The following ZNF618 variants were observed in gnomAD, a reference collection of about 807,000 sequenced individuals.
ZNF618 encodes the protein neural precursor cell expressed, developmentally down-regulated 10.
Under a neutral mutation model 103.0 loss-of-function variants are expected in ZNF618, and 34 were observed. The ratio of observed to expected loss-of-function variants is 0.33; its 90% CI spans 0.25 to 0.44. The LOEUF (loss-of-function observed/expected upper bound fraction) is 0.44. Ranked by LOEUF, ZNF618 falls within the 20% of genes least tolerant of loss-of-function variation. ZNF618 has a pLI of 1.00. For missense variants in ZNF618, 1,059 were observed against 1,295.4 expected (o/e 0.82, Z 2.80); for synonymous variants, 551 against 542.2 (o/e 1.02, Z -0.23).
chr9:113,927,408 C>T (rs185008067), intron 1 of ZNF618, among the ~76,000 whole-genome samples: 122 of 152,284 alleles, frequency 8.0e-4, no homozygotes, highest in Admixed American at 3.3e-3. Flanking sequence ...AGTGACCAAT[C>T]CTTGTAGTTC....
intron 2 of ZNF618, among the ~76,000 whole-genome samples, chr9:113,986,818 A>G (rs903726333): frequency 6.6e-6 from 1 of 151,952 alleles, no homozygotes; most frequent in African/African-American, 2.4e-5. Context: ...CAGTTTCCCA[A>G]CCTTTCTCCA....
At chr9:113,916,807 C>G (rs923515104) in intron 1 of ZNF618, among the ~76,000 whole-genome samples, 3 of 152,254 alleles carry the variant, frequency 2.0e-5, no homozygotes, top group African/African-American at 7.2e-5. Flanking sequence ...AAACATTGCT[C>G]TGTCCCAATT....
At chr9:114,041,568 C>T (rs1588441600) in intron 13 of ZNF618, among the ~76,000 whole-genome samples, 1 of 152,174 alleles carries the variant, frequency 6.6e-6, no homozygotes. Flanking sequence ...TTTCCCAGCA[C>T]CATTTATTAA....
chr9:113,984,573 T>G (rs1049697718), intron 2 of ZNF618, among the ~76,000 whole-genome samples: 7 of 152,180 alleles, frequency 4.6e-5, no homozygotes, highest in Non-Finnish European at 1.0e-4. Context: ...TGGTGAGGAC[T>G]TGAGAGCAGG....
intron 10 of ZNF618, among the ~76,000 whole-genome samples, chr9:114,018,139 AT>A (rs1400076000): frequency 6.6e-6 from 1 of 152,184 alleles, no homozygotes; most frequent in African/African-American, 2.4e-5. Flanking sequence ...CACTAGAAGA[AT>A]CCATTCCACT....
In ZNF618 at chr9:114,054,914, A is replaced by C; in HGVS notation, c.*4747A>C. 1 of 151,588 alleles carries C rather than the reference A, an allele frequency of 6.6e-6. No homozygotes were observed. Among genetic ancestry groups the C allele is most frequent in the Non-Finnish European group, 1.5e-5 (1 of 67,914 alleles). 9.4% of individuals were successfully genotyped at this position (151,588 alleles called of 1,614,324 possible). A position where few individuals can be genotyped will look rare whatever the true frequency, so the allele number is the denominator to read the frequency against. ...GAAGATTGTCAGGTCACTGTTTGAC[A>C]TATTCATGCCCCGTCCCTTCCCCCC... On this transcript the variant is annotated 3_prime_UTR_variant, in exon 15 of 15. Coordinates refer to ENST00000374126, the MANE Select transcript of ZNF618 (RefSeq NM_001318042.2).
chr9:113,914,651 C>T (rs1831899412), intron 1 of ZNF618, among the ~76,000 whole-genome samples: 1 of 152,144 alleles, frequency 6.6e-6, no homozygotes, highest in South Asian at 2.1e-4. Flanking sequence ...TTTGAATGCT[C>T]CCATTGGAAT....
intron 11 of ZNF618, among the ~76,000 whole-genome samples, chr9:114,029,301 T>G (rs1169066933): frequency 6.6e-6 from 1 of 152,230 alleles, no homozygotes; most frequent in African/African-American, 2.4e-5. Context: ...TTTAAAAAAT[T>G]TTTTAGTTAA....
chr9:113,972,929 T>C (rs1838116539), intron 2 of ZNF618, among the ~76,000 whole-genome samples: 1 of 151,948 alleles, frequency 6.6e-6, no homozygotes, highest in Non-Finnish European at 1.5e-5. Flanking sequence ...ATTAGCCAGG[T>C]ATGGTGGCAC....
rs1314878450 is a variant in ZNF618, at chr9:114,028,732, G to A, written c.845-1G>A. On this transcript the variant is annotated splice_acceptor_variant, in intron 10 of 14. Coordinates refer to ENST00000374126, the MANE Select transcript of ZNF618 (RefSeq NM_001318042.2). LOFTEE classifies it high-confidence loss of function. ...GGGGACTGAGAGCGTGACCCTCTCA[G>A]GTACTGCCCCCGGGTGGGAGCCACC... is the stretch of plus-strand genomic sequence containing the variant. The A allele has an allele frequency of 6.5e-7, 1 of 1,549,906 alleles. No homozygotes were observed. The highest frequency in any genetic ancestry group is 1.2e-5 in the South Asian group (1 of 84,040).
At chr9:113,985,840 C>T (rs1236212005) in intron 2 of ZNF618, among the ~76,000 whole-genome samples, 1 of 152,186 alleles carries the variant, frequency 6.6e-6, no homozygotes, top group East Asian at 1.9e-4. Context: ...GGAGCTAATA[C>T]CAAGATTTCG....
chr9:113,940,413 A>G (rs1255489942), intron 1 of ZNF618, among the ~76,000 whole-genome samples: 7 of 152,016 alleles, frequency 4.6e-5, no homozygotes, highest in Non-Finnish European at 8.8e-5. Flanking sequence ...TTTTATCCTC[A>G]TGTTCTGTCC....
intron 12 of ZNF618, 44 bp downstream of exon 12, chr9:114,032,772 C>A: frequency 6.4e-7 from 1 of 1,562,416 alleles, no homozygotes. Context: ...TAGCTGCCAG[C>A]TTCGCCCGCT....
chr9:113,974,000 A>C (rs890006692), intron 2 of ZNF618, among the ~76,000 whole-genome samples: 1 of 152,240 alleles, frequency 6.6e-6, no homozygotes, highest in Non-Finnish European at 1.5e-5. Context: ...ACAAATATTT[A>C]CTGAGTGCCT....
chr9:113,892,221 T>C (rs1372568218), intron 1 of ZNF618, among the ~76,000 whole-genome samples: 1 of 152,162 alleles, frequency 6.6e-6, no homozygotes, highest in Non-Finnish European at 1.5e-5. Flanking sequence ...TAAAAATCCA[T>C]GGATGCCCAA....
Position 113,892,534 on chromosome 9 carries a change from A to ACAC in ZNF618, c.33+16122_33+16124dup, listed in dbSNP as rs1341077282. Reference sequence around the variant, plus strand: ...TCAGATGGTCAAAGAAAAAAGTTAAACACGTCCATAACCTAACACATCAAC... The same window carrying ACAC: ...TCAGATGGTCAAAGAAAAAAGTTAAACACCACGTCCATAACCTAACACATCAAC... On this transcript the variant is annotated intron_variant, in intron 1 of 14. Coordinates refer to ENST00000374126, the MANE Select transcript of ZNF618 (RefSeq NM_001318042.2). 1.3e-4 allele frequency among the ~76,000 whole-genome samples: 20 copies of ACAC among 152,286 alleles called. No individual in the cohort carries two copies. In the South Asian group the frequency reaches 2.1e-3, roughly 16 times the overall value.
chr9:113,985,412 C>A (rs1839374207), intron 2 of ZNF618, among the ~76,000 whole-genome samples: 1 of 152,228 alleles, frequency 6.6e-6, no homozygotes, highest in Non-Finnish European at 1.5e-5. Flanking sequence ...CACAGCTGTC[C>A]TCTTGTGACG....
At position 113,876,314 on chromosome 9, in the gene ZNF618, G is replaced by C. The variant is rs1827916432; in HGVS notation, c.-67G>C. 9.3e-7 allele frequency: 1 copy of C among 1,074,312 alleles called. No homozygotes were observed. Among genetic ancestry groups the C allele is most frequent in the East Asian group, 5.6e-5 (1 of 17,700 alleles). The allele number at this position is 1,074,312 out of a possible 1,614,324, so 66.5% of individuals were successfully genotyped here. On this transcript the variant is annotated 5_prime_UTR_variant, in exon 1 of 15. Transcript: ENST00000374126. ...GCGGCGGCGGCGGCGGCGGCATTGT[G>C]CGCGCACCAGCAGCCCGGCCCGGGA...
At chr9:114,033,699 T>C (rs547375195) in intron 12 of ZNF618, among the ~76,000 whole-genome samples, 1 of 152,160 alleles carries the variant, frequency 6.6e-6, no homozygotes, top group East Asian at 1.9e-4. Flanking sequence ...CAGCAAGCTG[T>C]TCTGTACCCT....
Sources: allele counts gnomAD v4.1 joint callset (sites outside exome capture counted in the v4.1 genomes callset), GRCh38; gene constraint gnomAD v4.1.1; transcripts MANE v1.5; gene names NCBI Gene and HGNC (gene_info 2026-07-23, HGNC 2026-07-21).